TRAPPC9: variants seen among roughly 807,000 people sequenced by gnomAD.
TRAPPC9 encodes IKK2 binding protein.
TRAPPC9 carries 83 observed loss-of-function variants against 124.0 expected under a neutral mutation model. The observed-to-expected ratio is 0.67, with a 90% CI of 0.56 to 0.80. The LOEUF is 0.80. Among genes scored for constraint, TRAPPC9 ranks in the 30% least tolerant of loss-of-function variants. The probability of loss-of-function intolerance (pLI) is 0.00; values close to 1 mark genes in which losing one functional copy is unlikely to be tolerated. For missense variants in TRAPPC9, 1,302 were observed against 1,508.3 expected, an observed-to-expected ratio of 0.86 and a Z score of 2.27; for synonymous variants, 638 against 617.5, an observed-to-expected ratio of 1.03 and a Z score of -0.49.
chr8:140,134,841 C>A (rs1396467483), intron 17 of TRAPPC9, among the ~76,000 whole-genome samples: 1 of 152,118 alleles, frequency 6.6e-6, no homozygotes, highest in Non-Finnish European at 1.5e-5. Flanking sequence ...AAATTTCAAA[C>A]TTTGGTGAAT....
chr8:140,153,380 C>T (rs893915031), intron 17 of TRAPPC9, among the ~76,000 whole-genome samples: 1 of 151,968 alleles, frequency 6.6e-6, no homozygotes, highest in Non-Finnish European at 1.5e-5. Flanking sequence ...CATTCATTTG[C>T]CCCTATCATT....
At chr8:140,205,331 G>A (rs2062894478) in intron 17 of TRAPPC9, among the ~76,000 whole-genome samples, 1 of 152,174 alleles carries the variant, frequency 6.6e-6, no homozygotes, top group South Asian at 2.1e-4. Context: ...TACAGTAAAT[G>A]TGTTCATTTA....
chr8:140,272,147 G>A (rs1416227547), intron 15 of TRAPPC9, among the ~76,000 whole-genome samples: 2 of 64,578 alleles, frequency 3.1e-5, no homozygotes, highest in East Asian at 2.9e-4. Flanking sequence ...GATGGTGATG[G>A]TGGTAGCAGT....
intron 21 of TRAPPC9, among the ~76,000 whole-genome samples, chr8:139,756,162 G>A (rs1376565999): frequency 8.7e-6 from 1 of 115,120 alleles, no homozygotes; most frequent in Non-Finnish European, 1.8e-5. Flanking sequence ...CCAGGGTTTG[G>A]GGATGAGGAC....
intron 1 of TRAPPC9, among the ~76,000 whole-genome samples, chr8:140,457,364 G>A (rs1221851185): frequency 6.6e-6 from 1 of 152,222 alleles, no homozygotes; most frequent in East Asian, 1.9e-4. Context: ...TGTGGGCCGG[G>A]TCCCGGACAG....
intron 1 of TRAPPC9, among the ~76,000 whole-genome samples, chr8:140,451,616 G>C (rs949398428): frequency 2.0e-5 from 3 of 152,128 alleles, no homozygotes; most frequent in African/African-American, 7.2e-5. Context: ...TACAGAAATG[G>C]GGCTGTTTCT....
intron 4 of TRAPPC9, among the ~76,000 whole-genome samples, chr8:140,429,091 T>TG (rs1023044187): frequency 6.6e-5 from 10 of 151,332 alleles, no homozygotes; most frequent in South Asian, 2.1e-4. Flanking sequence ...TTTTTGTTTT[T>TG]TTTTTTTTGA....
chr8:139,996,191 A>AAAAAAAAAAAAAAAAAAAAC (rs1837981929), intron 18 of TRAPPC9, among the ~76,000 whole-genome samples: 1 of 144,444 alleles, frequency 6.9e-6, no homozygotes, highest in Non-Finnish European at 1.5e-5. Context: ...AAGAAAGGAA[A>AAAAAAAAAAAAAAAAAAAAC]GAAAAAAAGA....
chr8:140,058,197 C>T (rs1842400283), intron 17 of TRAPPC9, among the ~76,000 whole-genome samples: 1 of 151,938 alleles, frequency 6.6e-6, no homozygotes. Flanking sequence ...TCCTTTTCTC[C>T]AGTCACTTCT....
At chr8:140,379,803 C>T (rs1444318735) in intron 7 of TRAPPC9, among the ~76,000 whole-genome samples, 1 of 152,166 alleles carries the variant, frequency 6.6e-6, no homozygotes, top group African/African-American at 2.4e-5. Context: ...CCTACAACAC[C>T]TTATCTAAAT....
intron 17 of TRAPPC9, among the ~76,000 whole-genome samples, chr8:140,213,741 A>G (rs2063121767): frequency 6.6e-6 from 1 of 152,238 alleles, no homozygotes; most frequent in Non-Finnish European, 1.5e-5. Context: ...CCCAAAGCCA[A>G]CCATGCACAG....
intron 13 of TRAPPC9, among the ~76,000 whole-genome samples, chr8:140,285,543 G>GT (rs1563916925): frequency 6.6e-6 from 1 of 152,158 alleles, no homozygotes; most frequent in African/African-American, 2.4e-5. Context: ...GGCACCGTGT[G>GT]TAAGAACCCA....
chr8:140,382,943 C>T (rs557049743), intron 7 of TRAPPC9, among the ~76,000 whole-genome samples: 51 of 152,306 alleles, frequency 3.3e-4, no homozygotes, highest in Non-Finnish European at 4.3e-4. Context: ...CTCACATGGC[C>T]GGGTAGCCCT....
At position 140,114,188 on chromosome 8, in the gene TRAPPC9, A is replaced by T. The variant is rs1382713770; in HGVS notation, c.2557-90109T>A. ...TCCTGTTTCCAATCCCCTCACCTAA[A>T]CTAACACCTCCAGGTCAGAAGGCTG... On this transcript the variant is annotated intron_variant, in intron 17 of 22. Coordinates refer to ENST00000438773, the MANE Select transcript of TRAPPC9 (RefSeq NM_001160372.4). 5.3e-5 allele frequency among the ~76,000 whole-genome samples: 8 copies of T among 152,040 alleles called. No individual in the cohort carries two copies. The South Asian group carries it at 1.7e-3, about 32-fold the overall frequency.
chr8:140,295,210 C>A (rs938999466), intron 11 of TRAPPC9, among the ~76,000 whole-genome samples: 1 of 152,208 alleles, frequency 6.6e-6, no homozygotes, highest in Non-Finnish European at 1.5e-5. Flanking sequence ...ATCAATGCAT[C>A]CCCAGCACAT....
intron 17 of TRAPPC9, among the ~76,000 whole-genome samples, chr8:140,083,171 T>A (rs770350035): frequency 3.4e-5 from 5 of 149,044 alleles, no homozygotes; most frequent in Non-Finnish European, 6.0e-5. Context: ...CCAGCCTGGG[T>A]GACAGAATGA....
In TRAPPC9 at chr8:140,076,164, A is replaced by G. The variant is rs1048095677; in HGVS notation, c.2557-52085T>C. On this transcript the variant is annotated intron_variant, in intron 17 of 22. Coordinates refer to ENST00000438773, the MANE Select transcript of TRAPPC9 (RefSeq NM_001160372.4). ...AAGCACTGTATATATACATAGCAGC[A>G]CTGTGACGAGTCTACATAAGGAAGA... Among the ~76,000 whole-genome samples, 41 of 152,252 alleles carry G rather than the reference A, an allele frequency of 2.7e-4. 1 individual carries two copies. The highest frequency in any genetic ancestry group is 2.7e-3 in the Admixed American group (41 of 15,292).
rs1587018343 is a variant in TRAPPC9, at chr8:139,863,790, G to C, written c.3055+22089C>G. On this transcript the variant is annotated intron_variant, in intron 21 of 22. Coordinates refer to ENST00000438773, the MANE Select transcript of TRAPPC9 (RefSeq NM_001160372.4). ...CCCCACTGGCTGTGTCTGCAGCCTT[G>C]GCTTGAAGCTGCAGCTAAAAATAGA... 2.0e-5 allele frequency among the ~76,000 whole-genome samples: 3 copies of C among 152,348 alleles called. No individual in the cohort carries two copies. The South Asian group carries it at 6.2e-4, about 32-fold the overall frequency.
At chr8:139,978,038 T>C (rs184102713) in intron 19 of TRAPPC9, among the ~76,000 whole-genome samples, 3 of 151,700 alleles carry the variant, frequency 2.0e-5, no homozygotes, top group African/African-American at 7.3e-5. Context: ...AAAACAAGTT[T>C]TGTTTTGTTT....
Sources: gnomAD v4.1 joint callset for allele counts (sites outside exome capture counted in the v4.1 genomes callset) on GRCh38, gnomAD v4.1.1 for gene constraint, MANE v1.5 for transcripts, NCBI Gene and HGNC (gene_info 2026-07-23, HGNC 2026-07-21) for gene names.